The following HDAC5 variants were observed in gnomAD, a reference collection of about 807,000 sequenced individuals.
HDAC5 encodes antigen NY-CO-9.
HDAC5 carries 25 observed loss-of-function variants against 133.3 expected under a neutral mutation model. The ratio of observed to expected loss-of-function variants is 0.19; its 90% confidence interval spans 0.14 to 0.26. The LOEUF is 0.26. Ranked by LOEUF, HDAC5 falls within the 10% of genes least tolerant of loss-of-function variation. HDAC5 has a pLI of 1.00. For missense variants in HDAC5, 1,041 were observed against 1,460.5 expected, an observed-to-expected ratio of 0.71 and a Z score of 4.68; for synonymous variants, 589 against 610.8, an observed-to-expected ratio of 0.96 and a Z score of 0.53.
At chr17:44,089,672 G>A (rs1055231014) in intron 11 of HDAC5, among the ~76,000 whole-genome samples, 3 of 144,670 alleles carry the variant, frequency 2.1e-5, no homozygotes, top group African/African-American at 7.6e-5. Context: ...ACTTGAACTC[G>A]AGAGGCAGAG....
chr17:44,086,711 C>G lies in HDAC5; in HGVS notation c.1911G>C (p.Gln637His). 7 of 1,299,030 alleles carry G rather than the reference C, an allele frequency of 5.4e-6. No individual in the cohort carries two copies. The highest frequency in any genetic ancestry group is 6.9e-6 in the Non-Finnish European group (7 of 1,016,600). 80.5% of individuals were successfully genotyped at this position (1,299,030 alleles called of 1,614,324 possible). ...KKLFSDAQPL[Q>H]PLQVYQAPLS... ...GGGGCGCCTGGTACACCTGCAAAGG[C>G]TGCAGCGGCTGGGCATCTGAGAACA... Residue 637 changes from glutamine to histidine, a missense_variant, in exon 14 of 27, where the codon CAG (glutamine) becomes CAC (histidine). Physicochemically the swap from Gln to His is conservative, Grantham distance 24. Coordinates refer to ENST00000682912, the MANE Select transcript of HDAC5 (RefSeq NM_005474.5).
At chr17:44,108,592 G>A (rs907628659) in intron 3 of HDAC5, among the ~76,000 whole-genome samples, 7 of 151,926 alleles carry the variant, frequency 4.6e-5, no homozygotes, top group African/African-American at 1.7e-4. Context: ...ATAGGATCTT[G>A]CATCCTGTCT....
rs535593244 is a variant in HDAC5 at position 44,083,347 on chromosome 17, G to A, written c.2463+198C>T. Reference sequence around the variant, plus strand: ...TTTCTGCCTCGAGACACCCACGAGAGCACTGGGCATTAGTGTCTTTTTGTT... The same window carrying A: ...TTTCTGCCTCGAGACACCCACGAGAACACTGGGCATTAGTGTCTTTTTGTT... On this transcript the variant is annotated intron_variant, in intron 18 of 26. Transcript: ENST00000682912. Among the ~76,000 whole-genome samples, 4 of 152,338 alleles carry A rather than the reference G, an allele frequency of 2.6e-5. No homozygotes were observed. The South Asian group carries it at 8.3e-4, about 32-fold the overall frequency.
At chr17:44,112,088 G>T (rs1239148411) in intron 2 of HDAC5, among the ~76,000 whole-genome samples, 1 of 152,146 alleles carries the variant, frequency 6.6e-6, no homozygotes, top group Admixed American at 6.5e-5. Flanking sequence ...ACATGGCAGG[G>T]CTGGGATGTC....
At chr17:44,104,904 G>A (rs1262959630) in intron 3 of HDAC5, among the ~76,000 whole-genome samples, 1 of 152,114 alleles carries the variant, frequency 6.6e-6, no homozygotes, top group Non-Finnish European at 1.5e-5. Flanking sequence ...CAGACACAAT[G>A]TGAAACTGAC....
chr17:44,110,681 C>A (rs768938691), intron 3 of HDAC5, 48 bp downstream of exon 3: 30 of 1,477,546 alleles, frequency 2.0e-5, no homozygotes, highest in South Asian at 6.9e-5. Context: ...AGCCCAGGGA[C>A]AAGGATGCCA....
At chr17:44,112,186 T>C (rs1003065834) in intron 2 of HDAC5, among the ~76,000 whole-genome samples, 1 of 152,098 alleles carries the variant, frequency 6.6e-6, no homozygotes, top group Non-Finnish European at 1.5e-5. Flanking sequence ...ACCCCTGTGC[T>C]CAAGTAGGAA....
intron 11 of HDAC5, among the ~76,000 whole-genome samples, chr17:44,090,919 G>C (rs111656662): frequency 0.047 from 7,097 of 152,236 alleles, 226 homozygotes; most frequent in Middle Eastern, 0.099. Flanking sequence ...TCAATCTCCT[G>C]ACCTCGTGAT....
Position 44,080,143 on chromosome 17 carries a change from G to A in HDAC5, c.2908C>T (p.Leu970=), listed in dbSNP as rs549500919. The change falls in exon 23 of 27, where the codon CTG becomes TTG. Residue 970 remains leucine (L), a synonymous_variant. Coordinates refer to ENST00000682912, the MANE Select transcript of HDAC5 (RefSeq NM_005474.5). The stretch of plus-strand genomic sequence containing the variant: ...ACAGAGTAGCCACCCAGAGGAGACA[G>A]ATGTCCTTCAACAGCATCAAACCCG... ...SAGFDAVEGH[L]SPLGGYSVTA... The A allele has an allele frequency of 6.2e-7, 1 of 1,614,046 alleles. No homozygotes were observed. The highest frequency in any genetic ancestry group is 8.5e-7 in the Non-Finnish European group (1 of 1,179,982).
chr17:44,084,693 A>C lies in HDAC5; in HGVS notation c.2185-18T>G, dbSNP rs752383475. ...CGGATCCGCTGCCAGGAGGATCAGT[A>C]AGAGGGGTCACACAAAGGCACAGCT... On this transcript the variant is annotated intron_variant, in intron 15 of 26. Transcript: ENST00000682912. 1 of 1,613,306 alleles carries C rather than the reference A, an allele frequency of 6.2e-7. No homozygotes were observed. Among genetic ancestry groups the C allele is most frequent in the Non-Finnish European group, 8.5e-7 (1 of 1,179,562 alleles).
Position 44,087,453 on chromosome 17 carries a change from C to G in HDAC5, c.1843G>C (p.Glu615Gln). 7.1e-7 allele frequency: 1 copy of G among 1,412,276 alleles called. No individual in the cohort carries two copies. The highest frequency in any genetic ancestry group is 1.0e-6 in the Non-Finnish European group (1 of 995,962). The allele number at this position is 1,412,276 out of a possible 1,614,324, so 87.5% of individuals were successfully genotyped here. A position where few individuals can be genotyped will look rare whatever the true frequency, so the allele number is the denominator to read the frequency against. Residue 615 changes from glutamate to glutamine, a missense_variant, in exon 13 of 27, where the codon GAG (glutamate) becomes CAG (glutamine). By Grantham distance (29) the Glu-to-Gln change is conservative. Coordinates refer to ENST00000682912, the MANE Select transcript of HDAC5 (RefSeq NM_005474.5). The part of the protein sequence containing the change: ...KDEEGESGAE[E>Q]GPDLEEPGAG... Reference sequence around the variant, plus strand: ...CCAGGCTCCTCCAAGTCGGGCCCCTCCTCAGCACCACTCTCGCCCTCCTCG... The same window carrying G: ...CCAGGCTCCTCCAAGTCGGGCCCCTGCTCAGCACCACTCTCGCCCTCCTCG...
intron 3 of HDAC5, among the ~76,000 whole-genome samples, chr17:44,107,404 T>C (rs1219044356): frequency 6.6e-6 from 1 of 152,016 alleles, no homozygotes; most frequent in Non-Finnish European, 1.5e-5. Flanking sequence ...GGTCAGGAGT[T>C]CGAGACCAGC....
Position 44,091,715 on chromosome 17 carries a change from G to C in HDAC5, c.1149C>G (p.Thr383=). ...CTGTACTTACAGTGAGGTGTGAGTT[G>C]GTGACAGTGACCGTGGCCTGCAGCC... ...SLGLQATVTV[T]NSHLTASPKL... Residue 383 remains threonine, a synonymous_variant, in exon 10 of 27, where the codon ACC becomes ACG. Transcript: ENST00000682912. The C allele has an allele frequency of 6.3e-7, 1 of 1,575,462 alleles. No homozygotes were observed. The highest frequency in any genetic ancestry group is 1.9e-5 in the Admixed American group (1 of 53,762).
Position 44,079,162 on chromosome 17 carries a change from C to A in HDAC5, c.3060G>T (p.Ser1020=). 6.2e-7 allele frequency: 1 copy of A among 1,613,366 alleles called. No homozygotes were observed. The highest frequency in any genetic ancestry group is 8.5e-7 in the Non-Finnish European group (1 of 1,179,488). Residue 1020 remains serine, a synonymous_variant, in exon 24 of 27, where the codon TCG becomes TCT. Coordinates refer to ENST00000682912, the MANE Select transcript of HDAC5 (RefSeq NM_005474.5). ...CCCTTACCTCTACACTGAGCAGAGC[C>A]GAGACACAAGCCTCAGAGGCATCAC... ...AICDASEACV[S]ALLSVELQPL...
In HDAC5 at chr17:44,080,423, C is replaced by A; in HGVS notation, c.2803G>T (p.Val935Leu). ...TACCTGAAGGCTGTAAGGTACTCCACGTCTCCAATGGGGGGGTCCACACCT... is the reference window on the plus strand; with the variant it reads ...TACCTGAAGGCTGTAAGGTACTCCAAGTCTCCAATGGGGGGGTCCACACCT... ...TGGVDPPIGD[V>L]EYLTAFRTVV... Residue 935 changes from valine (V) to leucine (L), a missense_variant, in exon 22 of 27, where the codon GTG (valine) becomes TTG (leucine). This residue lies in a region of HDAC5 where 174 missense variants were observed against 352.7 expected (regional missense o/e 0.49). Coordinates refer to ENST00000682912, the MANE Select transcript of HDAC5 (RefSeq NM_005474.5). The A allele has an allele frequency of 6.2e-7, 1 of 1,614,098 alleles. No homozygotes were observed. The highest frequency in any genetic ancestry group is 8.5e-7 in the Non-Finnish European group (1 of 1,179,968).
At chr17:44,104,819 C>A (rs1281968665) in intron 3 of HDAC5, among the ~76,000 whole-genome samples, 1 of 152,138 alleles carries the variant, frequency 6.6e-6, no homozygotes, top group Non-Finnish European at 1.5e-5. Flanking sequence ...GCAGGTGACA[C>A]CTCTCTCCCC....
At chr17:44,101,609 G>C (rs2051614196) in intron 3 of HDAC5, among the ~76,000 whole-genome samples, 1 of 152,132 alleles carries the variant, frequency 6.6e-6, no homozygotes, top group African/African-American at 2.4e-5. Flanking sequence ...AGAGGAGAAA[G>C]TGAAAGGGAC....
At chr17:44,111,467 C>T (rs576692694) in intron 2 of HDAC5, 3 of 421,272 alleles carry the variant, frequency 7.1e-6, no homozygotes, top group South Asian at 1.7e-5. Context: ...TGGGGAAGGG[C>T]GCCGGCCAGG....
intron 3 of HDAC5, among the ~76,000 whole-genome samples, chr17:44,096,787 T>TG (rs1409516561): frequency 1.4e-5 from 2 of 144,182 alleles, no homozygotes; most frequent in Non-Finnish European, 1.5e-5. Context: ...TTTTTTTAGA[T>TG]GGAGTCTCAC....
Sources: gnomAD v4.1 joint callset for allele counts (sites outside exome capture counted in the v4.1 genomes callset) on GRCh38, gnomAD v4.1.1 for gene constraint, gnomAD v4.1.1 regional missense constraint, MANE v1.5 for transcripts, NCBI Gene and HGNC (gene_info 2026-07-23, HGNC 2026-07-21) for gene names.